NEBL: variants seen among roughly 807,000 people sequenced by gnomAD.
The protein encoded by NEBL is LIM and SH3 protein 2.
NEBL carries 122 observed loss-of-function variants against 140.2 expected under a neutral mutation model. The observed-to-expected ratio is 0.87, with a 90% confidence interval of 0.75 to 1.01. The LOEUF (loss-of-function observed/expected upper bound fraction) is 1.01, where lower values mean the gene tolerates loss of function less well. NEBL is among the 50% of genes least tolerant of loss of function. The pLI is 0.00. For synonymous variants in NEBL, 436 were observed against 398.9 expected, an observed-to-expected ratio of 1.09 and a Z score of -1.11; for missense variants, 1,365 against 1,231.3, an observed-to-expected ratio of 1.11 and a Z score of -1.62.
chr10:21,038,685 T>G (rs2131824683), intron 2 of NEBL, among the ~76,000 whole-genome samples: 1 of 152,294 alleles, frequency 6.6e-6, no homozygotes, highest in Admixed American at 6.5e-5. Context: ...TGTGCATGAG[T>G]CTTTATAGTA....
At chr10:20,830,912 T>TTAA (rs1554779996) in intron 16 of NEBL, among the ~76,000 whole-genome samples, 1 of 92,368 alleles carries the variant, frequency 1.1e-5, no homozygotes, top group African/African-American at 4.2e-5. Flanking sequence ...CTCTAAAATT[T>TTAA]AAAAAAAAAA....
At chr10:21,244,516 G>C (rs1036288310) in intron 3 of NEBL, among the ~76,000 whole-genome samples, 2 of 151,686 alleles carry the variant, frequency 1.3e-5, no homozygotes, top group African/African-American at 4.8e-5. Context: ...GCCGGGCATG[G>C]TGGCCGGCGC....
In NEBL at chr10:21,041,180, T is replaced by G. The variant is rs368070234; in HGVS notation, c.165-20979A>C. ...ACCAGGTAATCAGCATAATACCTGA[T>G]AGTTTTTCAGTCCTCACTCTCCTCC... On this transcript the variant is annotated intron_variant, in intron 2 of 6. Transcript: ENST00000417816. Among the ~76,000 whole-genome samples the G allele has an allele frequency of 6.6e-5, 10 of 152,228 alleles. No homozygotes were observed. In the East Asian group the frequency reaches 7.7e-4, roughly 12 times the overall value.
intron 13 of NEBL, among the ~76,000 whole-genome samples, chr10:20,836,694 G>C (rs1005807160): frequency 2.0e-5 from 3 of 151,942 alleles, no homozygotes; most frequent in Admixed American, 2.0e-4. Flanking sequence ...GTGGAACCTG[G>C]GATTCAAACT....
chr10:21,047,569 C>G (rs575560330), intron 2 of NEBL, among the ~76,000 whole-genome samples: 2 of 152,112 alleles, frequency 1.3e-5, no homozygotes, highest in Non-Finnish European at 2.9e-5. Context: ...AACACACACT[C>G]TACTTTGTCC....
chr10:20,871,636 T>C (rs1021470218), intron 5 of NEBL, among the ~76,000 whole-genome samples: 1 of 152,180 alleles, frequency 6.6e-6, no homozygotes, highest in African/African-American at 2.4e-5. Context: ...GTCTGACAAG[T>C]GAACACAGCT....
intron 4 of NEBL, among the ~76,000 whole-genome samples, chr10:20,954,025 G>GA (rs200642113): frequency 0.019 from 2,423 of 125,652 alleles, 61 homozygotes; most frequent in African/African-American, 0.058. Context: ...TCTTCTTAAG[G>GA]AAAAAAAAAA....
At chr10:20,882,071 G>A (rs1253600668) in intron 4 of NEBL, among the ~76,000 whole-genome samples, 1 of 152,128 alleles carries the variant, frequency 6.6e-6, no homozygotes, top group African/African-American at 2.4e-5. Context: ...CCAGCTACAT[G>A]GGAGGCTGAG....
intron 7 of NEBL, among the ~76,000 whole-genome samples, chr10:20,861,694 C>T (rs1418379789): frequency 6.6e-6 from 1 of 152,174 alleles, no homozygotes; most frequent in Non-Finnish European, 1.5e-5. Context: ...GATCTTTGCA[C>T]ACACAGAGCC....
Position 20,815,628 on chromosome 10 carries a change from G to A in NEBL, c.2238C>T (p.Ser746=). The change falls in exon 22 of 28, where the codon AGC becomes AGT. Residue 746 remains serine (S), a synonymous_variant. Transcript: ENST00000377122. ...ERVKKNQENI[S]SVKYTQDHKQ... ...TAAAATGAAGAAAACCACTTGCCGA[G>A]CTAATATTTTCTTGATTCTTCTTCA... 3 of 1,603,190 alleles carry A rather than the reference G, an allele frequency of 1.9e-6. No homozygotes were observed. The highest frequency in any genetic ancestry group is 2.2e-5 in the East Asian group (1 of 44,760).
chr10:21,191,064 A>G (rs1841565957), intron 3 of NEBL, among the ~76,000 whole-genome samples: 1 of 152,154 alleles, frequency 6.6e-6, no homozygotes, highest in Non-Finnish European at 1.5e-5. Context: ...TGATGGAGGA[A>G]CCTTAAACTA....
intron 3 of NEBL, among the ~76,000 whole-genome samples, chr10:21,205,704 A>G (rs1291338168): frequency 6.6e-6 from 1 of 152,120 alleles, no homozygotes; most frequent in Admixed American, 6.6e-5. Context: ...AACAAAGGTG[A>G]TTTTTATTTT....
chr10:20,917,531 T>C (rs1348695026), intron 4 of NEBL, among the ~76,000 whole-genome samples: 1 of 152,232 alleles, frequency 6.6e-6, no homozygotes, highest in Non-Finnish European at 1.5e-5. Flanking sequence ...ACTATTCACA[T>C]GCTGGCCACA....
intron 2 of NEBL, among the ~76,000 whole-genome samples, chr10:21,047,615 T>C (rs2131845293): frequency 6.6e-6 from 1 of 152,112 alleles, no homozygotes; most frequent in Middle Eastern, 3.4e-3. Flanking sequence ...ATAAAACAAA[T>C]ATTGGCCAAG....
intron 4 of NEBL, among the ~76,000 whole-genome samples, chr10:20,918,690 T>C (rs1213281470): frequency 7.1e-6 from 1 of 140,846 alleles, no homozygotes; most frequent in South Asian, 2.2e-4. Context: ...CTACTAAAAA[T>C]AAAAAAAAAA....
intron 5 of NEBL, among the ~76,000 whole-genome samples, chr10:20,871,464 T>G (rs1844922154): frequency 1.3e-5 from 2 of 152,350 alleles, no homozygotes; most frequent in African/African-American, 4.8e-5. Context: ...TAAGATCAAG[T>G]GTAAGAAGTG....
chr10:21,103,769 T>C (rs554697896), intron 2 of NEBL, among the ~76,000 whole-genome samples: 6 of 152,316 alleles, frequency 3.9e-5, no homozygotes, highest in East Asian at 1.9e-4. Flanking sequence ...TAGTATCTTT[T>C]GAAAAGAAAA....
rs1334675886 is a variant in NEBL, at chr10:20,781,246, AG to A, written c.*4500del. 1 of 152,658 alleles carries A rather than the reference AG, an allele frequency of 6.6e-6. No homozygotes were observed. The highest frequency in any genetic ancestry group is 1.5e-5 in the Non-Finnish European group (1 of 68,036). 9.5% of individuals were successfully genotyped at this position (152,658 alleles called of 1,614,324 possible). On this transcript the variant is annotated 3_prime_UTR_variant, in exon 28 of 28. Transcript: ENST00000377122. The stretch of plus-strand genomic sequence containing the variant: ...TTAGTAACATTGTAACATTCCGTGA[AG>A]CCCCTTCATTTGCAAAACATTCAAT...
intron 2 of NEBL, among the ~76,000 whole-genome samples, chr10:21,060,838 T>A (rs1311470857): frequency 6.6e-6 from 1 of 152,186 alleles, no homozygotes; most frequent in Non-Finnish European, 1.5e-5. Context: ...GTTCTCATCC[T>A]ATTTGCTCAG....
Sources: allele counts gnomAD v4.1 joint callset (sites outside exome capture counted in the v4.1 genomes callset), GRCh38; gene constraint gnomAD v4.1.1; transcripts MANE v1.5; gene names NCBI Gene and HGNC (gene_info 2026-07-23, HGNC 2026-07-21).